The following MID1 variants were observed in gnomAD, a reference collection of about 807,000 sequenced individuals.
MID1 encodes E3 ubiquitin-protein ligase Midline-1.
A neutral mutation model predicts 40.4 loss-of-function variants in MID1; 7 were observed. The observed-to-expected ratio is 0.17, with a 90% confidence interval of 0.10 to 0.33. The LOEUF is 0.33. Among genes scored for constraint, MID1 ranks in the 10% least tolerant of loss-of-function variants. The pLI, the probability that MID1 is intolerant of heterozygous loss-of-function variation, is 1.00. For missense variants in MID1, 367 were observed against 558.5 expected, an observed-to-expected ratio of 0.66 and a Z score of 3.46; for synonymous variants, 229 against 221.2, an observed-to-expected ratio of 1.04 and a Z score of -0.31.
intron 4 of MID1, among the ~76,000 whole-genome samples, chrX:10,487,982 CTTTT>C (rs953085669): frequency 1.1e-5 from 1 of 87,944 alleles, no homozygotes; most frequent in Admixed American, 1.3e-4. Flanking sequence ...ACCTACAAGT[CTTTT>C]TTTTTTTTTT....
chrX:10,566,497 T>TTCTCTCTCTCTCTCTCTC (rs1281393445), intron 2 of MID1, among the ~76,000 whole-genome samples: 23 of 72,082 alleles, frequency 3.2e-4, no homozygotes, highest in African/African-American at 1.1e-3. Flanking sequence ...TTATCTGTCA[T>TTCTCTCTCTCTCTCTCTC]TCTCTCTCTC....
chrX:10,567,746 T>C, intron 1 of MID1, 143 bp from the exon 2 acceptor site: 1 of 441,503 alleles, frequency 2.3e-6, no homozygotes, highest in Admixed American at 3.8e-5. Flanking sequence ...TCTCTTTCTA[T>C]TCACTGGGGA....
chrX:10,613,002 GT>G (rs766717270), intron 1 of MID1, among the ~76,000 whole-genome samples: 1 of 112,189 alleles, frequency 8.9e-6, no homozygotes, highest in South Asian at 3.7e-4. Flanking sequence ...TTGATCCTAT[GT>G]AAGTAAATAA....
chrX:10,666,442 C>G (rs758434627), intron 1 of MID1, among the ~76,000 whole-genome samples: 9 of 109,203 alleles, frequency 8.2e-5, no homozygotes, highest in Non-Finnish European at 9.5e-5. Context: ...AAGAAATCCC[C>G]TCTAGATTAT....
At chrX:10,496,338 G>T (rs1931251210) in intron 3 of MID1, among the ~76,000 whole-genome samples, 1 of 112,487 alleles carries the variant, frequency 8.9e-6, no homozygotes, top group Admixed American at 9.4e-5. Context: ...TAACATTCAT[G>T]TGGAAAGGTG....
chrX:10,827,100 C>T (rs2044221086), intron 1 of MID1, among the ~76,000 whole-genome samples: 2 of 111,404 alleles, frequency 1.8e-5, no homozygotes, highest in South Asian at 7.6e-4. Flanking sequence ...ACTCTTGATG[C>T]CTTAAAAGAC....
chrX:10,472,140 G>A (rs1183355233), intron 6 of MID1, among the ~76,000 whole-genome samples: 2 of 112,178 alleles, frequency 1.8e-5, no homozygotes, highest in Non-Finnish European at 3.8e-5. Flanking sequence ...CACCACCCAA[G>A]GAATGGTGGG....
intron 4 of MID1, among the ~76,000 whole-genome samples, chrX:10,491,679 A>G (rs1197065243): frequency 2.7e-5 from 3 of 112,017 alleles, no homozygotes; most frequent in Non-Finnish European, 5.6e-5. Flanking sequence ...GTGAAGATAT[A>G]TTTATATATG....
intron 1 of MID1, among the ~76,000 whole-genome samples, chrX:10,786,802 C>T (rs1230552392): frequency 1.2e-5 from 1 of 81,884 alleles, no homozygotes; most frequent in Non-Finnish European, 2.2e-5. Flanking sequence ...GAACATCACA[C>T]ACCGGGGCCT....
At chrX:10,728,940 C>T (rs2043420615) in intron 1 of MID1, among the ~76,000 whole-genome samples, 2 of 111,914 alleles carry the variant, frequency 1.8e-5, no homozygotes, top group African/African-American at 6.5e-5. Flanking sequence ...CATAATTCAG[C>T]AATAACTGGG....
chrX:10,662,079 C>T (rs1408724904), intron 1 of MID1, among the ~76,000 whole-genome samples: 16 of 111,477 alleles, frequency 1.4e-4, no homozygotes, highest in African/African-American at 4.3e-4. Context: ...CCGAGGTGGG[C>T]AGATCACCTG....
At chrX:10,788,099 G>A (rs1156480557) in intron 1 of MID1, among the ~76,000 whole-genome samples, 1 of 112,050 alleles carries the variant, frequency 8.9e-6, no homozygotes, top group African/African-American at 3.2e-5. Flanking sequence ...GATGTCAGCT[G>A]TCACATTTCC....
At chrX:10,516,977 C>T (rs1460974334) in intron 3 of MID1, among the ~76,000 whole-genome samples, 1 of 111,376 alleles carries the variant, frequency 9.0e-6, no homozygotes, top group Non-Finnish European at 1.9e-5. Flanking sequence ...CATTCATTTG[C>T]TTACCCTCAT....
chrX:10,546,818 G>A (rs1933698664), intron 2 of MID1, among the ~76,000 whole-genome samples: 1 of 112,014 alleles, frequency 8.9e-6, no homozygotes, highest in Admixed American at 9.5e-5. Context: ...GCAAACTTAG[G>A]TGTTGCTGTC....
intron 3 of MID1, among the ~76,000 whole-genome samples, chrX:10,513,248 T>A (rs980324732): frequency 8.9e-6 from 1 of 112,589 alleles, no homozygotes; most frequent in Non-Finnish European, 1.9e-5. Flanking sequence ...TTTATGTTCA[T>A]TTATTGAGAA....
chrX:10,685,877 TACACACACACACAC>T (rs56245034), intron 1 of MID1, among the ~76,000 whole-genome samples: 5 of 80,492 alleles, frequency 6.2e-5, no homozygotes, highest in East Asian at 4.1e-4. Context: ...CACATACTCA[TACACACACACACAC>T]ACACACACAC....
In MID1 at chrX:10,647,574, GA is replaced by G. The variant is rs35563799; in HGVS notation, c.-186-27156del. Reference sequence around the variant, plus strand: ...CCCTGAAAAAATAACATGATATTTTGAAAATGGAAGAATAAAGGGCATATTC... The same window carrying G: ...CCCTGAAAAAATAACATGATATTTTGAAATGGAAGAATAAAGGGCATATTC... On this transcript the variant is annotated intron_variant, in intron 1 of 10. Transcript: ENST00000380785. 4.2e-3 allele frequency among the ~76,000 whole-genome samples: 467 copies of G among 111,799 alleles called. 3 individuals are homozygous for G. The highest frequency in any genetic ancestry group is 0.015 in the African/African-American group (449 of 30,831).
At position 10,791,533 on chromosome X, in the gene MID1, A is replaced by G. The variant is rs768752510; in HGVS notation, c.-187+42021T>C. 5.3e-5 allele frequency among the ~76,000 whole-genome samples: 6 copies of G among 112,376 alleles called. No individual in the cohort carries two copies. The East Asian group carries it at 1.7e-3, about 31-fold the overall frequency. On this transcript the variant is annotated intron_variant, in intron 1 of 10. Coordinates refer to the MID1 transcript ENST00000380785. ...ATAGGTTGCTTTGAGGTAACGTCTC[A>G]GCCCAGATAAAAGGGGGCAGTTGGC...
chrX:10,791,964 A>C (rs2043934951), intron 1 of MID1, among the ~76,000 whole-genome samples: 1 of 111,702 alleles, frequency 9.0e-6, no homozygotes, highest in African/African-American at 3.3e-5. Flanking sequence ...CATCATCTTC[A>C]TGGTTCTGTC....
Sources: gnomAD v4.1 joint callset for allele counts (sites outside exome capture counted in the v4.1 genomes callset) on GRCh38, gnomAD v4.1.1 for gene constraint, MANE v1.5 for transcripts, NCBI Gene and HGNC (gene_info 2026-07-23, HGNC 2026-07-21) for gene names.